DSE: variants seen among roughly 807,000 people sequenced by gnomAD.
DSE encodes the protein dermatan-sulfate epimerase.
A neutral mutation model predicts 84.4 loss-of-function variants in DSE; 36 were observed. That is an observed-to-expected ratio of 0.43 (90% CI 0.33 to 0.56). The LOEUF (loss-of-function observed/expected upper bound fraction) is 0.56, where lower values mean the gene tolerates loss of function less well. Ranked by LOEUF, DSE falls within the 20% of genes least tolerant of loss-of-function variation. The pLI, the probability that DSE is intolerant of heterozygous loss-of-function variation, is 0.06. For missense variants in DSE, 862 were observed against 1,169.6 expected (o/e 0.74, Z 3.84); for synonymous variants, 410 against 430.1 (o/e 0.95, Z 0.58).
Position 116,436,313 on chromosome 6 carries a change from A to G in DSE, c.1845A>G (p.Lys615=). 6.2e-7 allele frequency: 1 copy of G among 1,614,080 alleles called. No individual in the cohort carries two copies. Among genetic ancestry groups the G allele is most frequent in the Non-Finnish European group, 8.5e-7 (1 of 1,179,996 alleles). ...TCAGGCAGAGAGATGGTCTCTATAA[A>G]ATGTACTGGATGGACGATACTGGCT... ...AFIRQRDGLY[K]MYWMDDTGYS... Residue 615 remains lysine (K), a synonymous_variant, in exon 6 of 6, where the codon AAA becomes AAG. Coordinates refer to ENST00000644252, the MANE Select transcript of DSE (RefSeq NM_013352.4).
rs762120249 is a variant in DSE at position 116,436,614 on chromosome 6, C to A, written c.2146C>A (p.Arg716Ser). 4 of 1,614,092 alleles carry A rather than the reference C, an allele frequency of 2.5e-6. No homozygotes were observed. The South Asian group carries it at 4.4e-5, about 18-fold the overall frequency. ...TGCCTTTGCACAGGTCATTGCTGATCGTCACAAAATTCTGTTTGACCGGAA... is the reference window on the plus strand; with the variant it reads ...TGCCTTTGCACAGGTCATTGCTGATAGTCACAAAATTCTGTTTGACCGGAA... Reference protein sequence around the residue: ...QSAFAQVIADRHKILFDRNSA... With the variant: ...QSAFAQVIADSHKILFDRNSA... Residue 716 changes from arginine (R) to serine (S), a missense_variant, in exon 6 of 6, where the codon CGT (arginine) becomes AGT (serine). Around this residue, in one of 4 missense-constraint regions of DSE, gnomAD observed 315 missense variants for 348.1 expected, o/e 0.90. Coordinates refer to ENST00000644252, the MANE Select transcript of DSE (RefSeq NM_013352.4).
chr6:116,392,857 T>C (rs1236904949), intron 1 of DSE, among the ~76,000 whole-genome samples: 1 of 152,200 alleles, frequency 6.6e-6, no homozygotes, highest in East Asian at 1.9e-4. Flanking sequence ...GCTGACATTC[T>C]GGTTTTTCAT....
intron 1 of DSE, among the ~76,000 whole-genome samples, chr6:116,381,426 T>C (rs1780218623): frequency 6.6e-6 from 1 of 152,122 alleles, no homozygotes; most frequent in South Asian, 2.1e-4. Context: ...AAATACAGGC[T>C]CTTGAGTAGG....
chr6:116,369,371 C>T (rs1779371445), upstream of DSE, among the ~76,000 whole-genome samples: 1 of 152,216 alleles, frequency 6.6e-6, no homozygotes, highest in Admixed American at 6.5e-5. Context: ...CAGCTAGACA[C>T]TTTCACAATT....
In DSE at chr6:116,259,132, G is replaced by C. The variant is rs754719821; in HGVS notation, c.-54+165G>C. The C allele has an allele frequency of 7.5e-5, 95 of 1,261,370 alleles. 1 individual carries two copies. Among genetic ancestry groups the C allele is most frequent in the Non-Finnish European group, 1.0e-4 (89 of 881,112 alleles). The allele number at this position is 1,261,370 out of a possible 1,614,324, so 78.1% of individuals were successfully genotyped here. On this transcript the variant is annotated intron_variant, in intron 2 of 3. Transcript: ENST00000430252. ...CTCAGTCATCGTGAGAACACAGCCTGAGTGTCTCTGTTGCTCGACGTAGAC... is the reference window on the plus strand; with the variant it reads ...CTCAGTCATCGTGAGAACACAGCCTCAGTGTCTCTGTTGCTCGACGTAGAC...
At chr6:116,425,615 T>TTTTTA (rs1783385635) in intron 2 of DSE, among the ~76,000 whole-genome samples, 1 of 74,582 alleles carries the variant, frequency 1.3e-5, no homozygotes, top group African/African-American at 4.0e-5. Flanking sequence ...TTTTATTTAT[T>TTTTTA]TTTATTTTAT....
At chr6:116,431,229 C>T in intron 4 of DSE, 36 bp downstream of exon 4, 1 of 1,605,392 alleles carries the variant, frequency 6.2e-7, no homozygotes, top group Non-Finnish European at 8.5e-7. Flanking sequence ...AAACATTAAA[C>T]TATTGTAATT....
intron 2 of DSE, among the ~76,000 whole-genome samples, chr6:116,325,975 G>A (rs769990552): frequency 6.6e-6 from 1 of 152,152 alleles, no homozygotes; most frequent in Non-Finnish European, 1.5e-5. Flanking sequence ...GCACGCACCA[G>A]TAATTAGATT....
chr6:116,281,444 T>A (rs1773524959), intron 2 of DSE, among the ~76,000 whole-genome samples: 1 of 152,232 alleles, frequency 6.6e-6, no homozygotes, highest in Non-Finnish European at 1.5e-5. Flanking sequence ...AAGGTTTGGT[T>A]GCATCTATGG....
intron 2 of DSE, among the ~76,000 whole-genome samples, chr6:116,295,060 G>C (rs927299088): frequency 6.6e-6 from 1 of 152,144 alleles, no homozygotes; most frequent in Non-Finnish European, 1.5e-5. Flanking sequence ...TCATACTGCA[G>C]TGTGAAAACA....
intron 2 of DSE, among the ~76,000 whole-genome samples, chr6:116,301,808 C>T (rs952957831): frequency 7.2e-5 from 11 of 152,136 alleles, no homozygotes; most frequent in Non-Finnish European, 1.5e-5. Context: ...CTGGCAGGCT[C>T]CGGTGTGTGA....
intron 1 of DSE, among the ~76,000 whole-genome samples, chr6:116,382,640 A>G (rs1293586181): frequency 6.6e-6 from 1 of 152,168 alleles, no homozygotes; most frequent in East Asian, 1.9e-4. Context: ...TCACTGTCCA[A>G]ATGTATAGGT....
At chr6:116,299,431 GA>G (rs1774856604) in intron 2 of DSE, among the ~76,000 whole-genome samples, 1 of 149,970 alleles carries the variant, frequency 6.7e-6, no homozygotes, top group South Asian at 2.1e-4. Flanking sequence ...TATAAGGGAA[GA>G]AAGTGCCCCA....
At position 116,338,175 on chromosome 6, in the gene DSE, C is replaced by CTCTTTCTT. The variant is rs1175457799; in HGVS notation, c.-53-61006_-53-60999dup. Among the ~76,000 whole-genome samples the CTCTTTCTT allele has an allele frequency of 2.5e-3, 302 of 122,896 alleles. 4 individuals are homozygous for CTCTTTCTT. Among genetic ancestry groups the CTCTTTCTT allele is most frequent in the African/African-American group, 7.9e-3 (272 of 34,614 alleles). 80.6% of individuals were successfully genotyped at this position (122,896 alleles called of 152,430 possible). A position where few individuals can be genotyped will look rare whatever the true frequency, so the allele number is the denominator to read the frequency against. ...TTTGTGCCTTCCTTTCTGTCTCTTT[C>CTCTTTCTT]TCTTTCTTTCTTTCTTTCTTTCTTC... On this transcript the variant is annotated intron_variant, in intron 2 of 3. Coordinates refer to the DSE transcript ENST00000430252.
chr6:116,258,237 A>G (rs1772228115), intron 1 of DSE, among the ~76,000 whole-genome samples: 1 of 151,922 alleles, frequency 6.6e-6, no homozygotes, highest in Admixed American at 6.6e-5. Context: ...GCTGGCCTCA[A>G]ACTCCCAACC....
At chr6:116,259,254 A>G (rs1772297627) in intron 2 of DSE, 1 of 588,220 alleles carries the variant, frequency 1.7e-6, no homozygotes, top group Non-Finnish European at 3.0e-6. Context: ...ATTTTAAAAT[A>G]TAAATGCTTT....
intron 2 of DSE, among the ~76,000 whole-genome samples, chr6:116,321,389 T>C (rs993924917): frequency 6.6e-6 from 1 of 152,060 alleles, no homozygotes; most frequent in Non-Finnish European, 1.5e-5. Flanking sequence ...GGCCAGGCTG[T>C]TCTAAAACTC....
In DSE at chr6:116,285,807, C is replaced by G. The variant is rs1187669843; in HGVS notation, c.-54+26840C>G. The stretch of plus-strand genomic sequence containing the variant: ...TTTTCCCATTTCTTGTTTTTCTCAG[C>G]TTTGTCAAAGATCAGATGGTTGTAG... On this transcript the variant is annotated intron_variant, in intron 2 of 3. Transcript: ENST00000430252. 2.2e-4 allele frequency among the ~76,000 whole-genome samples: 33 copies of G among 152,194 alleles called. 1 individual carries two copies. Among genetic ancestry groups the G allele is most frequent in the Non-Finnish European group, 5.9e-5 (4 of 67,954 alleles).
chr6:116,342,955 G>A (rs1336212517), intron 2 of DSE, among the ~76,000 whole-genome samples: 8 of 152,158 alleles, frequency 5.3e-5, no homozygotes, highest in African/African-American at 9.7e-5. Context: ...CTAATACTGC[G>A]CTTTTCCAAT....
Sources: gnomAD v4.1 joint callset for allele counts (sites outside exome capture counted in the v4.1 genomes callset) on GRCh38, gnomAD v4.1.1 for gene constraint, gnomAD v4.1.1 regional missense constraint, MANE v1.5 for transcripts, NCBI Gene and HGNC (gene_info 2026-07-23, HGNC 2026-07-21) for gene names.